Variants in MAT2B observed in about 807,000 individuals in gnomAD.
The protein encoded by MAT2B is methionine adenosyltransferase 2 non-catalytic beta subunit.
A neutral mutation model predicts 36.1 loss-of-function variants in MAT2B; 16 were observed. The ratio of observed to expected loss-of-function variants is 0.44; its 90% CI spans 0.30 to 0.67. The LOEUF is 0.67. Among genes scored for constraint, MAT2B ranks in the 30% least tolerant of loss-of-function variants. MAT2B has a pLI of 0.09. For synonymous variants in MAT2B, 148 were observed against 136.9 expected (o/e 1.08, Z -0.57); for missense variants, 332 against 398.2 (o/e 0.83, Z 1.42).
intron 2 of MAT2B, 184 bp downstream of exon 2, chr5:163,512,380 C>T (rs181047154): frequency 1.3e-4 from 78 of 603,252 alleles, no homozygotes; most frequent in South Asian, 4.2e-4. Flanking sequence ...AATTTTGACA[C>T]GCTGACAAAG....
In MAT2B at chr5:163,518,613, T is replaced by A. The variant is rs925208119; in HGVS notation, c.*250T>A. 1.7e-5 allele frequency: 5 copies of A among 289,420 alleles called. No individual in the cohort carries two copies. Among genetic ancestry groups the A allele is most frequent in the Admixed American group, 1.5e-4 (3 of 19,472 alleles). 17.9% of individuals were successfully genotyped at this position (289,420 alleles called of 1,614,324 possible). On this transcript the variant is annotated 3_prime_UTR_variant, in exon 7 of 7. Coordinates refer to ENST00000321757, the MANE Select transcript of MAT2B (RefSeq NM_013283.5). ...AACTTGGAGTTTGAGTATAGTAAAT[T>A]ATGATCCTTAAATATTTGAGAGTCA...
In MAT2B at chr5:163,513,611, G is replaced by C; in HGVS notation, c.315G>C (p.Gln105His). 1 of 1,613,964 alleles carries C rather than the reference G, an allele frequency of 6.2e-7. No homozygotes were observed. Among genetic ancestry groups the C allele is most frequent in the Non-Finnish European group, 8.5e-7 (1 of 1,179,904 alleles). The stretch of plus-strand genomic sequence containing the variant: ...GAAGACCAGATGTTGTAGAAAATCA[G>C]CCAGATGCTGCCTCTCAACTTAATG... ...AERRPDVVEN[Q>H]PDAASQLNVD... is the part of the protein sequence containing the mutation. Residue 105 changes from glutamine to histidine, a missense_variant, in exon 3 of 7, where the codon CAG (glutamine) becomes CAC (histidine). Gln to His is a conservative substitution (Grantham distance 24, BLOSUM62 0). Coordinates refer to ENST00000321757, the MANE Select transcript of MAT2B (RefSeq NM_013283.5).
chr5:163,518,415 G>A lies in MAT2B; in HGVS notation c.*52G>A, dbSNP rs376358346. 3.7e-5 allele frequency: 55 copies of A among 1,466,838 alleles called. No individual in the cohort carries two copies. Among genetic ancestry groups the A allele is most frequent in the Non-Finnish European group, 4.6e-5 (50 of 1,082,534 alleles). 90.9% of individuals were successfully genotyped at this position (1,466,838 alleles called of 1,614,324 possible). On this transcript the variant is annotated 3_prime_UTR_variant, in exon 7 of 7. Transcript: ENST00000321757. ...TTTTAAATGAAAAGTATAGTATGTG[G>A]CACTTTTTAAAGAACAAAGGAAATA...
At chr5:163,508,593 TTA>T (rs1220852520) in intron 1 of MAT2B, among the ~76,000 whole-genome samples, 54 of 152,226 alleles carry the variant, frequency 3.5e-4, no homozygotes, top group Non-Finnish European at 6.6e-4. Context: ...ATATAACACG[TTA>T]GTTTTCTTTT....
rs115709933 is a variant in MAT2B at position 163,513,208 on chromosome 5, C to A, written c.259-347C>A. 1,261 of 190,786 alleles carry A rather than the reference C, an allele frequency of 6.6e-3. 19 individuals carry two copies. The highest frequency in any genetic ancestry group is 0.028 in the African/African-American group (1,192 of 42,216). 11.8% of individuals were successfully genotyped at this position (190,786 alleles called of 1,614,324 possible). On this transcript the variant is annotated intron_variant, in intron 2 of 6. Transcript: ENST00000321757. The stretch of plus-strand genomic sequence containing the variant: ...CAACCACTATGTTGCCTAGTCTTAT[C>A]TTGAACTCCTGGCCTCAAGCATTGT...
upstream of MAT2B, chr5:163,505,432 G>A: frequency 1.2e-6 from 1 of 851,990 alleles, no homozygotes; most frequent in East Asian, 3.4e-5. Context: ...TAAGGTCAGG[G>A]CCTTTCTTTT....
intron 1 of MAT2B, among the ~76,000 whole-genome samples, chr5:163,506,997 C>T (rs935755460): frequency 1.5e-4 from 23 of 152,160 alleles, no homozygotes; most frequent in African/African-American, 4.8e-4. Context: ...GTAATACTGT[C>T]TGTGGAGCAC....
intron 4 of MAT2B, 63 bp downstream of exon 4, chr5:163,514,057 C>G: frequency 7.5e-7 from 1 of 1,329,644 alleles, no homozygotes; most frequent in East Asian, 2.4e-5. Flanking sequence ...TTTATACATA[C>G]ACATATATAT....
chr5:163,503,363 C>T (rs753112696), upstream of MAT2B: 10 of 1,610,846 alleles, frequency 6.2e-6, no homozygotes, highest in Admixed American at 6.7e-5. Context: ...AGACCCATCC[C>T]GTATCTGCTC....
upstream of MAT2B, chr5:163,505,615 A>G (rs1759916546): frequency 8.0e-7 from 1 of 1,249,448 alleles, no homozygotes; most frequent in African/African-American, 1.5e-5. Context: ...AGGGCGTCTG[A>G]GCTGAGGCCC....
upstream of MAT2B, among the ~76,000 whole-genome samples, chr5:163,505,037 A>G (rs1188257208): frequency 6.6e-6 from 1 of 152,082 alleles, no homozygotes; most frequent in Non-Finnish European, 1.5e-5. Context: ...TTTATTTTTA[A>G]TTAGTTAAAA....
upstream of MAT2B, chr5:163,503,285 G>T: frequency 1.1e-6 from 1 of 939,540 alleles, no homozygotes; most frequent in Non-Finnish European, 1.7e-6. Context: ...TGCTCCTCAC[G>T]TTTTGGCGTG....
upstream of MAT2B, among the ~76,000 whole-genome samples, chr5:163,505,088 T>C (rs1173839048): frequency 6.6e-6 from 1 of 152,152 alleles, no homozygotes; most frequent in Admixed American, 6.5e-5. Context: ...AGGTTTTTTC[T>C]TTTTTTAAGC....
intron 1 of MAT2B, among the ~76,000 whole-genome samples, chr5:163,507,841 A>C (rs772717166): frequency 2.0e-5 from 3 of 152,252 alleles, no homozygotes; most frequent in Non-Finnish European, 4.4e-5. Context: ...AGTAATGCAT[A>C]TTCAGAGGAA....
upstream of MAT2B, chr5:163,505,472 C>G (rs1265299910): frequency 1.7e-6 from 2 of 1,203,212 alleles, no homozygotes; most frequent in Non-Finnish European, 2.1e-6. Context: ...GGCGCGTGGG[C>G]TGGGGGCAGA....
chr5:163,517,779 G>A, intron 6 of MAT2B, 105 bp downstream of exon 6: 1 of 668,732 alleles, frequency 1.5e-6, no homozygotes. Context: ...AACTTTGCTT[G>A]TATGCTGGCT....
chr5:163,517,763 A>G (rs1432247055), intron 6 of MAT2B, 89 bp downstream of exon 6: 3 of 761,388 alleles, frequency 3.9e-6, no homozygotes, highest in Non-Finnish European at 6.8e-6. Flanking sequence ...AGTACTAATC[A>G]AAGTGAACTT....
chr5:163,506,981 T>G (rs553565779), intron 1 of MAT2B, among the ~76,000 whole-genome samples: 337 of 152,280 alleles, frequency 2.2e-3, no homozygotes, highest in Admixed American at 4.9e-3. Flanking sequence ...GGAGTGGTTG[T>G]TGTTAGTAAT....
chr5:163,506,902 T>C (rs1759953632), intron 1 of MAT2B, among the ~76,000 whole-genome samples: 1 of 152,176 alleles, frequency 6.6e-6, no homozygotes, highest in Non-Finnish European at 1.5e-5. Flanking sequence ...TCTCAAAACC[T>C]GTAGAATTAA....
Sources: allele counts gnomAD v4.1 joint callset (sites outside exome capture counted in the v4.1 genomes callset), GRCh38; gene constraint gnomAD v4.1.1; transcripts MANE v1.5; gene names NCBI Gene and HGNC (gene_info 2026-07-23, HGNC 2026-07-21).